PDGFD: variants seen among roughly 807,000 people sequenced by gnomAD.
PDGFD encodes the protein platelet-derived growth factor D.
Under a neutral mutation model 44.7 loss-of-function variants are expected in PDGFD, and 30 were observed. The observed-to-expected ratio is 0.67, with a 90% CI of 0.50 to 0.91. The LOEUF (loss-of-function observed/expected upper bound fraction) is 0.91, where lower values mean the gene tolerates loss of function less well. Among genes scored for constraint, PDGFD ranks in the 40% least tolerant of loss-of-function variants. The pLI is 0.00. For synonymous variants in PDGFD, 173 were observed against 168.4 expected (o/e 1.03, Z -0.21); for missense variants, 445 against 457.8 (o/e 0.97, Z 0.25).
At chr11:104,156,885 T>C (rs1364899018) in intron 1 of PDGFD, among the ~76,000 whole-genome samples, 7 of 152,228 alleles carry the variant, frequency 4.6e-5, no homozygotes, top group Non-Finnish European at 1.5e-5. Context: ...GGTTCTGAAA[T>C]ACTGTATGAG....
chr11:104,061,044 T>A (rs1321814022), intron 1 of PDGFD, among the ~76,000 whole-genome samples: 1 of 152,150 alleles, frequency 6.6e-6, no homozygotes, highest in Non-Finnish European at 1.5e-5. Flanking sequence ...TCTAATCTAC[T>A]TTCTCCGTCT....
rs1215608169 is a variant in PDGFD, at chr11:104,119,568, ATAT to A, written c.124+44233_124+44235del. Among the ~76,000 whole-genome samples, 10 of 93,386 alleles carry A rather than the reference ATAT, an allele frequency of 1.1e-4. No individual in the cohort carries two copies. In the South Asian group the frequency reaches 1.1e-3, roughly 10 times the overall value. The allele number at this position is 93,386 out of a possible 152,430, so 61.3% of individuals were successfully genotyped here. On this transcript the variant is annotated intron_variant, in intron 1 of 6. Transcript: ENST00000393158. ...ATAATATATTGATATAATATATAAT[ATAT>A]TAATATAATATATTGATATAATATA...
chr11:103,967,773 CTCT>C (rs1448001226), intron 3 of PDGFD, among the ~76,000 whole-genome samples: 3 of 152,108 alleles, frequency 2.0e-5, no homozygotes, highest in African/African-American at 7.2e-5. Flanking sequence ...TATCTTTATT[CTCT>C]TCTTGTTTGT....
At chr11:104,116,106 T>G (rs1351528354) in intron 1 of PDGFD, among the ~76,000 whole-genome samples, 1 of 152,074 alleles carries the variant, frequency 6.6e-6, no homozygotes, top group Non-Finnish European at 1.5e-5. Context: ...AAATCTTGGC[T>G]AAGCCAACAT....
intron 1 of PDGFD, among the ~76,000 whole-genome samples, chr11:104,024,381 T>A (rs1277434154): frequency 6.6e-6 from 1 of 152,184 alleles, no homozygotes; most frequent in Admixed American, 6.5e-5. Flanking sequence ...GGAACCACAG[T>A]GAGTTGACTG....
chr11:104,015,413 G>GA (rs1341224565), intron 1 of PDGFD, among the ~76,000 whole-genome samples: 2 of 151,942 alleles, frequency 1.3e-5, no homozygotes, highest in East Asian at 1.9e-4. Context: ...ATTAATCTGA[G>GA]AAAAAAGACC....
intron 6 of PDGFD, among the ~76,000 whole-genome samples, chr11:103,923,728 C>T (rs1858261229): frequency 6.6e-6 from 1 of 152,178 alleles, no homozygotes; most frequent in South Asian, 2.1e-4. Flanking sequence ...TGACACATCT[C>T]AAAGGTATTT....
chr11:104,068,237 G>A (rs1297248438), intron 1 of PDGFD, among the ~76,000 whole-genome samples: 1 of 152,112 alleles, frequency 6.6e-6, no homozygotes, highest in Non-Finnish European at 1.5e-5. Context: ...ACAGCATCAG[G>A]ATTTGAACCC....
chr11:104,147,063 C>T (rs942818179), intron 1 of PDGFD, among the ~76,000 whole-genome samples: 6 of 150,694 alleles, frequency 4.0e-5, no homozygotes, highest in East Asian at 1.9e-4. Context: ...ATGAAAAGTG[C>T]CCTCTGAATA....
chr11:104,033,668 C>T (rs1034392011), intron 1 of PDGFD, among the ~76,000 whole-genome samples: 2 of 152,004 alleles, frequency 1.3e-5, no homozygotes, highest in African/African-American at 2.4e-5. Flanking sequence ...AAAACAAAAG[C>T]CCCAGTATAA....
intron 3 of PDGFD, among the ~76,000 whole-genome samples, chr11:103,958,238 G>A (rs1253245940): frequency 3.3e-5 from 5 of 152,166 alleles, no homozygotes; most frequent in Admixed American, 6.5e-5. Context: ...AAGTGCCACA[G>A]ATACCTGAAA....
chr11:103,933,330 A>G lies in PDGFD; in HGVS notation c.773-6204T>C, dbSNP rs189085325. ...TTACAACCTCACTGTGATTTTCAGA[A>G]TCCCTCTTCTATAAATCAGCACATA... On this transcript the variant is annotated intron_variant, in intron 5 of 6. Coordinates refer to ENST00000393158, the MANE Select transcript of PDGFD (RefSeq NM_025208.5). 5.4e-3 allele frequency among the ~76,000 whole-genome samples: 830 copies of G among 152,314 alleles called. 5 individuals are homozygous for G. Among genetic ancestry groups the G allele is most frequent in the Non-Finnish European group, 7.2e-3 (487 of 68,032 alleles).
chr11:104,038,139 C>T (rs1449499588), intron 1 of PDGFD: 24 of 942,894 alleles, frequency 2.5e-5, no homozygotes, highest in Admixed American at 8.6e-5. Context: ...CTTGGGACTA[C>T]GTTCTCAGAT....
At chr11:104,125,173 A>AT (rs2119824583) in intron 1 of PDGFD, among the ~76,000 whole-genome samples, 1 of 152,238 alleles carries the variant, frequency 6.6e-6, no homozygotes, top group African/African-American at 2.4e-5. Context: ...AGCCTCACTG[A>AT]TGGTTAGAAA....
intron 3 of PDGFD, among the ~76,000 whole-genome samples, chr11:103,984,853 A>T (rs117306854): frequency 0.17 from 23,506 of 141,898 alleles, 2,170 homozygotes; most frequent in South Asian, 0.26. Flanking sequence ...TTTAATATAT[A>T]ATACATTAAT....
chr11:103,945,627 C>T (rs993950243), intron 4 of PDGFD: 5 of 152,062 alleles, frequency 3.3e-5, no homozygotes, highest in African/African-American at 4.8e-5. Context: ...ACAGGGACAC[C>T]GATCAAGTCA....
chr11:103,979,840 C>A (rs976350122), intron 3 of PDGFD, among the ~76,000 whole-genome samples: 1 of 151,990 alleles, frequency 6.6e-6, no homozygotes, highest in African/African-American at 2.4e-5. Context: ...TTTTGTTACA[C>A]AAGGGATGCT....
At chr11:104,101,309 T>C (rs898515962) in intron 1 of PDGFD, among the ~76,000 whole-genome samples, 1 of 151,938 alleles carries the variant, frequency 6.6e-6, no homozygotes, top group Non-Finnish European at 1.5e-5. Context: ...ACACCAATAA[T>C]AGACACACAG....
At chr11:104,001,440 A>G (rs749343547) in intron 1 of PDGFD, among the ~76,000 whole-genome samples, 3 of 152,208 alleles carry the variant, frequency 2.0e-5, no homozygotes, top group Non-Finnish European at 4.4e-5. Flanking sequence ...GAGTTGTTCT[A>G]GCAAATATCA....
Sources: gnomAD v4.1 joint callset for allele counts (sites outside exome capture counted in the v4.1 genomes callset) on GRCh38, gnomAD v4.1.1 for gene constraint, MANE v1.5 for transcripts, NCBI Gene and HGNC (gene_info 2026-07-23, HGNC 2026-07-21) for gene names.